Variants in KIF2A observed in about 807,000 individuals in gnomAD.
KIF2A encodes kinesin-like protein KIF2A.
KIF2A carries 22 observed loss-of-function variants against 100.2 expected under a neutral mutation model. That is an observed-to-expected ratio of 0.22 (90% CI 0.16 to 0.31). The LOEUF is 0.31. Ranked by LOEUF, KIF2A falls within the 10% of genes least tolerant of loss-of-function variation. KIF2A has a pLI of 1.00. For missense variants in KIF2A, 495 were observed against 898.7 expected (o/e 0.55, Z 5.74); for synonymous variants, 268 against 285.9 (o/e 0.94, Z 0.63).
rs1183672507 is a variant in KIF2A at position 62,387,466 on chromosome 5, TCTC to T, written c.*1900_*1902del. On this transcript the variant is annotated 3_prime_UTR_variant, in exon 21 of 21. Coordinates refer to ENST00000407818, the MANE Select transcript of KIF2A (RefSeq NM_001098511.3). Reference sequence around the variant, plus strand: ...TTGGATGGGTACTGTCTTTGGAAAGTCTCCTTATAGACAAATATGCTGCCTTAC... The same window carrying T: ...TTGGATGGGTACTGTCTTTGGAAAGTCTTATAGACAAATATGCTGCCTTAC... 4 of 152,192 alleles carry T rather than the reference TCTC, an allele frequency of 2.6e-5. No individual in the cohort carries two copies. Among genetic ancestry groups the T allele is most frequent in the Non-Finnish European group, 2.9e-5 (2 of 68,018 alleles). 9.4% of individuals were successfully genotyped at this position (152,192 alleles called of 1,614,324 possible). A position where few individuals can be genotyped will look rare whatever the true frequency, so the allele number is the denominator to read the frequency against.
intron 1 of KIF2A, among the ~76,000 whole-genome samples, chr5:62,316,802 A>C (rs1745838573): frequency 6.6e-6 from 1 of 152,166 alleles, no homozygotes; most frequent in Non-Finnish European, 1.5e-5. Context: ...GTGAACCTAA[A>C]AAAGGTTGGG....
rs1002025436 is a variant in KIF2A, at chr5:62,389,382, T to A, written c.*3813T>A. Among the ~76,000 whole-genome samples the A allele has an allele frequency of 6.7e-6, 1 of 149,258 alleles. No individual in the cohort carries two copies. Among genetic ancestry groups the A allele is most frequent in the Non-Finnish European group, 1.5e-5 (1 of 67,648 alleles). On this transcript the variant is annotated 3_prime_UTR_variant, in exon 21 of 21. Transcript: ENST00000407818. Reference sequence around the variant, plus strand: ...ATGCCTGTAATCCCAGCTACTCGGGTGGTTGAGGCAGGAGATTTGCCTGAA... The same window carrying A: ...ATGCCTGTAATCCCAGCTACTCGGGAGGTTGAGGCAGGAGATTTGCCTGAA...
At chr5:62,308,248 C>A in intron 1 of KIF2A, 1 of 954,878 alleles carries the variant, frequency 1.0e-6, no homozygotes, top group African/African-American at 1.7e-5. Context: ...GTTGAGGTTT[C>A]TTTTATATTT....
At position 62,389,676 on chromosome 5, in the gene KIF2A, GA is replaced by G. The variant is rs1344463889; in HGVS notation, c.*4109del. ...CATTTGTTTCAAGGTAACTGAACAA[GA>G]AGCTGTTTGGAATTGGCAGAAGTCA... On this transcript the variant is annotated 3_prime_UTR_variant, in exon 21 of 21. Transcript: ENST00000407818. 2.0e-5 allele frequency among the ~76,000 whole-genome samples: 3 copies of G among 152,114 alleles called. No individual in the cohort carries two copies. Among genetic ancestry groups the G allele is most frequent in the African/African-American group, 4.8e-5 (2 of 41,412 alleles).
Position 62,377,762 on chromosome 5 carries a change from G to T in KIF2A, c.2013G>T (p.Gln671His). The change falls in exon 19 of 21, where the codon CAG becomes CAT. Residue 671 changes from glutamine (Q) to histidine (H), a missense_variant and splice_region_variant. Gln to His is a conservative substitution (Grantham distance 24). This residue lies in a region of KIF2A where 58 missense variants were observed against 94.8 expected (regional missense o/e 0.61). Coordinates refer to ENST00000407818, the MANE Select transcript of KIF2A (RefSeq NM_001098511.3). ...QVVEDHRAVF[Q>H]ESIRWLEDEK... The stretch of plus-strand genomic sequence containing the variant: ...TAGAAGATCACAGGGCAGTGTTCCA[G>T]GTAAAGTAAGACAGGACTTTCCTTC... 1 of 1,468,088 alleles carries T rather than the reference G, an allele frequency of 6.8e-7. No individual in the cohort carries two copies. The highest frequency in any genetic ancestry group is 9.3e-7 in the Non-Finnish European group (1 of 1,078,868). The allele number at this position is 1,468,088 out of a possible 1,614,324, so 90.9% of individuals were successfully genotyped here.
At chr5:62,359,374 A>G (rs183400124) in intron 9 of KIF2A, among the ~76,000 whole-genome samples, 7 of 152,208 alleles carry the variant, frequency 4.6e-5, no homozygotes, top group Non-Finnish European at 8.8e-5. Flanking sequence ...AGTTAATGAG[A>G]CTAAGAATTG....
chr5:62,369,660 C>A lies in KIF2A; in HGVS notation c.1647-2778C>A, dbSNP rs570962251. Among the ~76,000 whole-genome samples the A allele has an allele frequency of 4.2e-5, 6 of 142,570 alleles. No homozygotes were observed. The East Asian group carries it at 1.3e-3, about 30-fold the overall frequency. The allele number at this position is 142,570 out of a possible 152,430, so 93.5% of individuals were successfully genotyped here. A position where few individuals can be genotyped will look rare whatever the true frequency, so the allele number is the denominator to read the frequency against. ...TGATACTCATACCAATGTTTTGTGA[C>A]CTTAAGAGTCAGTAATTTTTTTTTT... On this transcript the variant is annotated intron_variant, in intron 16 of 20. Coordinates refer to ENST00000407818, the MANE Select transcript of KIF2A (RefSeq NM_001098511.3).
chr5:62,384,760 C>G (rs1741936103), intron 20 of KIF2A, among the ~76,000 whole-genome samples: 1 of 152,116 alleles, frequency 6.6e-6, no homozygotes, highest in South Asian at 2.1e-4. Context: ...AGTCATCCCC[C>G]CTTCACAATC....
chr5:62,311,645 C>G (rs1468464411), intron 1 of KIF2A, among the ~76,000 whole-genome samples: 1 of 152,070 alleles, frequency 6.6e-6, no homozygotes, highest in Non-Finnish European at 1.5e-5. Flanking sequence ...TGGAGAATAG[C>G]ATGTGTAAAT....
At chr5:62,348,941 A>G (rs1747710112) in intron 3 of KIF2A, among the ~76,000 whole-genome samples, 1 of 152,190 alleles carries the variant, frequency 6.6e-6, no homozygotes, top group East Asian at 1.9e-4. Context: ...GGAACTTGAT[A>G]TCTTTCAGGG....
At chr5:62,321,111 G>C (rs1453702351) in intron 1 of KIF2A, among the ~76,000 whole-genome samples, 1 of 152,088 alleles carries the variant, frequency 6.6e-6, no homozygotes, top group Non-Finnish European at 1.5e-5. Context: ...ACATATTTCA[G>C]TACTTTTTTT....
chr5:62,382,815 C>T (rs949077166), intron 20 of KIF2A, among the ~76,000 whole-genome samples: 2 of 151,596 alleles, frequency 1.3e-5, no homozygotes, highest in Admixed American at 6.6e-5. Context: ...TGTATCTAGA[C>T]GGGGTTTCAC....
intron 1 of KIF2A, among the ~76,000 whole-genome samples, chr5:62,337,968 G>A (rs1193185437): frequency 1.3e-5 from 2 of 152,084 alleles, no homozygotes; most frequent in African/African-American, 4.8e-5. Flanking sequence ...ATGATTTTTG[G>A]AACTTCACAA....
At chr5:62,361,437 C>A in intron 10 of KIF2A, 29 bp from the exon 11 acceptor site, 2 of 1,481,206 alleles carry the variant, frequency 1.4e-6, no homozygotes, top group Non-Finnish European at 1.9e-6. Flanking sequence ...TGAGTAATGT[C>A]TGTTCTTTAT....
At chr5:62,334,609 C>T (rs1746838746) in intron 1 of KIF2A, among the ~76,000 whole-genome samples, 1 of 151,838 alleles carries the variant, frequency 6.6e-6, no homozygotes, top group Non-Finnish European at 1.5e-5. Context: ...AACCTCTACT[C>T]CTGGGGCCTC....
chr5:62,317,419 C>A (rs1277254415), intron 1 of KIF2A, among the ~76,000 whole-genome samples: 1 of 152,152 alleles, frequency 6.6e-6, no homozygotes, highest in Non-Finnish European at 1.5e-5. Flanking sequence ...AGAATTTAAC[C>A]ACAGAAAGCT....
chr5:62,331,597 A>C (rs986238913), intron 1 of KIF2A, among the ~76,000 whole-genome samples: 1 of 152,148 alleles, frequency 6.6e-6, no homozygotes, highest in Non-Finnish European at 1.5e-5. Flanking sequence ...CTCAAGAAAA[A>C]AAACAAAATT....
chr5:62,308,789 G>C (rs967220045), intron 1 of KIF2A, among the ~76,000 whole-genome samples: 3 of 152,118 alleles, frequency 2.0e-5, no homozygotes, highest in African/African-American at 7.2e-5. Context: ...GAAATGGGGA[G>C]ATATAGGTCA....
In KIF2A at chr5:62,308,202, T is replaced by G. The variant is rs189878996; in HGVS notation, c.64+1666T>G. On this transcript the variant is annotated intron_variant, in intron 1 of 20. Transcript: ENST00000407818. ...CGCTTAGAGCTTTAGAAATTACCAA[T>G]AACACTAATGGGAAAGAGATACCTT... The G allele has an allele frequency of 3.7e-3, 1,710 of 464,614 alleles. 15 individuals carry two copies. Among genetic ancestry groups the G allele is most frequent in the Non-Finnish European group, 4.9e-3 (1,333 of 271,280 alleles). 28.8% of individuals were successfully genotyped at this position (464,614 alleles called of 1,614,324 possible). A position where few individuals can be genotyped will look rare whatever the true frequency, so the allele number is the denominator to read the frequency against.
Sources: gnomAD v4.1 joint callset for allele counts (sites outside exome capture counted in the v4.1 genomes callset) on GRCh38, gnomAD v4.1.1 for gene constraint, gnomAD v4.1.1 regional missense constraint, MANE v1.5 for transcripts, NCBI Gene and HGNC (gene_info 2026-07-23, HGNC 2026-07-21) for gene names.